Variants in KIFC3 observed in about 807,000 individuals in gnomAD.
The protein encoded by KIFC3 is kinesin-like protein KIFC3.
KIFC3 carries 60 observed loss-of-function variants against 101.8 expected under a neutral mutation model. That is an observed-to-expected ratio of 0.59 (90% confidence interval 0.48 to 0.73). KIFC3 has a LOEUF of 0.73. KIFC3 is among the 30% of genes least tolerant of loss of function. KIFC3 has a pLI of 0.00. For missense variants in KIFC3, 966 were observed against 1,137.1 expected, an observed-to-expected ratio of 0.85 and a Z score of 2.16; for synonymous variants, 476 against 482.7, an observed-to-expected ratio of 0.99 and a Z score of 0.18.
At chr16:57,794,866 G>A in intron 3 of KIFC3, 133 bp downstream of exon 3, 1 of 728,410 alleles carries the variant, frequency 1.4e-6, no homozygotes. Context: ...GTCATGAGGG[G>A]CCCAACAGAG....
chr16:57,805,014 A>G (rs576726676), upstream of KIFC3, among the ~76,000 whole-genome samples: 18 of 151,560 alleles, frequency 1.2e-4, no homozygotes, highest in African/African-American at 4.4e-4. Context: ...TATTTTTGGT[A>G]GAGACAGGGT....
At chr16:57,808,465 C>T (rs1344122587) in intron 1 of KIFC3, among the ~76,000 whole-genome samples, 1 of 152,176 alleles carries the variant, frequency 6.6e-6, no homozygotes, top group Admixed American at 6.5e-5. Flanking sequence ...GCGTTATTAA[C>T]ATCCTTCGCA....
chr16:57,767,015 G>A (rs1555603668), intron 9 of KIFC3, 30 bp from the exon 10 acceptor site: 1 of 1,578,492 alleles, frequency 6.3e-7, no homozygotes, highest in South Asian at 1.1e-5. Context: ...ACTGTCAGGG[G>A]GACGGCTCCA....
rs1030742229 is a variant in KIFC3, at chr16:57,769,340, T to C, written c.1218+255A>G. On this transcript the variant is annotated intron_variant, in intron 9 of 19. Transcript: ENST00000445690. The surrounding 1 kb of genome is among the most constrained non-coding windows in gnomAD (Gnocchi z 4.3). ...TGTGAGCCACCGCGCCTGGCCTGCA[T>C]GTTTGAAATATGAAGTTATCTGTAA... 2.6e-5 allele frequency among the ~76,000 whole-genome samples: 4 copies of C among 152,238 alleles called. No homozygotes were observed. In the East Asian group the frequency reaches 7.7e-4, roughly 29 times the overall value.
At chr16:57,762,609 A>G (rs192260479) in intron 12 of KIFC3, among the ~76,000 whole-genome samples, 1 of 152,142 alleles carries the variant, frequency 6.6e-6, no homozygotes, top group Non-Finnish European at 1.5e-5. Context: ...CTGGAAATGA[A>G]TGACCCCGCC....
intron 1 of KIFC3, among the ~76,000 whole-genome samples, chr16:57,817,363 G>GAA (rs558346738): frequency 7.6e-6 from 1 of 131,926 alleles, no homozygotes. Context: ...TGTCTCAACA[G>GAA]AAAAAAAAAA....
chr16:57,813,813 G>GGC, intron 1 of KIFC3: 1 of 985,434 alleles, frequency 1.0e-6, no homozygotes, highest in Non-Finnish European at 1.2e-6. Context: ...GGCATCTCCA[G>GGC]AGTCACAGCC....
At chr16:57,810,401 G>GC (rs1429844189) in intron 1 of KIFC3, among the ~76,000 whole-genome samples, 2 of 152,118 alleles carry the variant, frequency 1.3e-5, no homozygotes, top group African/African-American at 4.8e-5. Context: ...TCTGGGGGTG[G>GC]CCCTTGTTTG....
At chr16:57,800,770 T>C (rs1470280782) in intron 1 of KIFC3, among the ~76,000 whole-genome samples, 1 of 151,956 alleles carries the variant, frequency 6.6e-6, no homozygotes, top group Non-Finnish European at 1.5e-5. Flanking sequence ...GGTGTGAAGG[T>C]CAAAAGTATC....
chr16:57,793,592 C>CAA (rs1289045115), intron 3 of KIFC3, among the ~76,000 whole-genome samples: 20 of 86,528 alleles, frequency 2.3e-4, no homozygotes, highest in East Asian at 3.2e-4. Context: ...GACTCTGTCT[C>CAA]AAAAAAAAAA....
At chr16:57,776,033 G>T in intron 3 of KIFC3, 1 of 985,456 alleles carries the variant, frequency 1.0e-6, no homozygotes, top group Non-Finnish European at 1.2e-6. Flanking sequence ...ACCAAGGGTG[G>T]GGCCAGCCAG....
intron 3 of KIFC3, among the ~76,000 whole-genome samples, chr16:57,783,472 C>CTTTTTTT (rs146386887): frequency 2.4e-4 from 20 of 82,616 alleles, no homozygotes; most frequent in African/African-American, 5.3e-4. Flanking sequence ...ATTTTCTTTT[C>CTTTTTTT]TTTTTTTTTT....
chr16:57,775,356 C>A, intron 3 of KIFC3: 1 of 1,112,506 alleles, frequency 9.0e-7, no homozygotes, highest in Non-Finnish European at 1.1e-6. Context: ...CAGACTGGCA[C>A]CACGAGCACT....
At chr16:57,839,159 C>T (rs2055754676) in intron 1 of KIFC3, among the ~76,000 whole-genome samples, 1 of 152,092 alleles carries the variant, frequency 6.6e-6, no homozygotes, top group South Asian at 2.1e-4. Context: ...AGCCACTGCA[C>T]TTCAGCCTGA....
At chr16:57,807,967 A>G (rs2054980266), upstream of KIFC3, 1 of 146,788 alleles carries the variant, frequency 6.8e-6, no homozygotes, top group Non-Finnish European at 1.5e-5. Context: ...AAACCTTCTA[A>G]GAGGACTAGA....
chr16:57,802,278 G>T lies in KIFC3; in HGVS notation c.-40+92C>A. The T allele has an allele frequency of 1.5e-6, 1 of 667,888 alleles. No homozygotes were observed. Among genetic ancestry groups the T allele is most frequent in the Non-Finnish European group, 1.9e-6 (1 of 539,812 alleles). The allele number at this position is 667,888 out of a possible 1,614,324, so 41.4% of individuals were successfully genotyped here. A position where few individuals can be genotyped will look rare whatever the true frequency, so the allele number is the denominator to read the frequency against. On this transcript the variant is annotated intron_variant, in intron 1 of 19. Coordinates refer to ENST00000445690, the MANE Select transcript of KIFC3 (RefSeq NM_001130100.2). This position sits in a 1 kb window ranked among gnomAD's most constrained non-coding sequence, Gnocchi z 5.0. ...GGGTCCGGGCAGAGGGGTCCCGAGG[G>T]CAGGGCCGGCCCGGACGCGGCGCCC...
At chr16:57,820,195 A>G (rs1237856165) in intron 1 of KIFC3, among the ~76,000 whole-genome samples, 1 of 152,096 alleles carries the variant, frequency 6.6e-6, no homozygotes. Flanking sequence ...AGGCCTTTGC[A>G]CTCGCTGTTT....
In KIFC3 at chr16:57,762,267, TC is replaced by T; in HGVS notation, c.1620del (p.Thr541ProfsTer46). 1 of 1,560,514 alleles carries T rather than the reference TC, an allele frequency of 6.4e-7. No homozygotes were observed. On this transcript the variant is annotated frameshift_variant and splice_region_variant, in exon 13 of 20. Transcript: ENST00000445690. LOFTEE classifies it high-confidence loss of function. ...TGAGKTYTMEGTAENPGINQR... is the reference protein window; with the variant it reads ...TGAGKTYTMEXTAENPGINQR... ...TGGTTGATACCTGGGTTCTCAGCGG[TC>T]CCCTGGGGACAGAAGGAAAGGCCCC...
At chr16:57,788,597 G>A (rs2053566511) in intron 3 of KIFC3, 2 of 1,289,026 alleles carry the variant, frequency 1.6e-6, no homozygotes, top group African/African-American at 1.5e-5. Context: ...CATTCATGGT[G>A]CCACCAGCTT....
Sources: gnomAD v4.1 joint callset for allele counts (sites outside exome capture counted in the v4.1 genomes callset) on GRCh38, gnomAD v4.1.1 for gene constraint, Gnocchi (gnomAD v3.1) non-coding constraint, MANE v1.5 for transcripts, NCBI Gene and HGNC (gene_info 2026-07-23, HGNC 2026-07-21) for gene names.